The following SORCS1 variants were observed in gnomAD, a reference collection of about 807,000 sequenced individuals.
The protein encoded by SORCS1 is VPS10 domain-containing receptor SorCS1.
SORCS1 carries 60 observed loss-of-function variants against 146.1 expected under a neutral mutation model. The ratio of observed to expected loss-of-function variants is 0.41; its 90% confidence interval spans 0.33 to 0.51. The LOEUF is 0.51. Among genes scored for constraint, SORCS1 ranks in the 20% least tolerant of loss-of-function variants. SORCS1 has a pLI of 0.21. For synonymous variants in SORCS1, 637 were observed against 584.0 expected, an observed-to-expected ratio of 1.09 and a Z score of -1.31; for missense variants, 1,352 against 1,487.6, an observed-to-expected ratio of 0.91 and a Z score of 1.50.
intron 1 of SORCS1, among the ~76,000 whole-genome samples, chr10:107,037,858 A>G (rs1958970397): frequency 6.6e-6 from 1 of 152,072 alleles, no homozygotes; most frequent in South Asian, 2.1e-4. Flanking sequence ...ACTAGGACTC[A>G]CTCTGTTGCC....
chr10:107,156,373 G>T (rs1246661642), intron 1 of SORCS1, among the ~76,000 whole-genome samples: 1 of 152,162 alleles, frequency 6.6e-6, no homozygotes, highest in Non-Finnish European at 1.5e-5. Context: ...TTAGAATGAG[G>T]ATAACAGTAC....
intron 2 of SORCS1, among the ~76,000 whole-genome samples, chr10:106,905,848 G>C (rs1379461882): frequency 6.6e-6 from 1 of 152,168 alleles, no homozygotes; most frequent in Non-Finnish European, 1.5e-5. Context: ...TTGAAACACT[G>C]AATTTTAGAA....
chr10:106,970,588 C>T (rs577080437), intron 1 of SORCS1, among the ~76,000 whole-genome samples: 3 of 152,008 alleles, frequency 2.0e-5, no homozygotes, highest in South Asian at 2.1e-4. Flanking sequence ...GTGATTTGCC[C>T]GCCTTGGCCT....
intron 1 of SORCS1, among the ~76,000 whole-genome samples, chr10:107,093,673 A>G (rs1964357377): frequency 1.9e-5 from 2 of 103,736 alleles, no homozygotes; most frequent in Admixed American, 1.8e-4. Flanking sequence ...AGTGAGACTC[A>G]GTCTCAAAAA....
chr10:107,102,989 G>C (rs951933976), intron 1 of SORCS1, among the ~76,000 whole-genome samples: 1 of 152,094 alleles, frequency 6.6e-6, no homozygotes, highest in Admixed American at 6.6e-5. Context: ...AAATAATGCA[G>C]ATAACATTTT....
intron 3 of SORCS1, among the ~76,000 whole-genome samples, chr10:106,807,740 CA>C (rs1196781985): frequency 6.6e-6 from 1 of 152,240 alleles, no homozygotes; most frequent in African/African-American, 2.4e-5. Flanking sequence ...AAGAATACAG[CA>C]GCAGCTAAGC....
intron 18 of SORCS1, among the ~76,000 whole-genome samples, chr10:106,645,738 A>G (rs1408193814): frequency 6.6e-6 from 1 of 152,078 alleles, no homozygotes; most frequent in African/African-American, 2.4e-5. Context: ...CATAATAAAA[A>G]TAATAAAAAA....
chr10:107,127,758 T>A (rs1275988202), intron 1 of SORCS1, among the ~76,000 whole-genome samples: 2 of 152,230 alleles, frequency 1.3e-5, no homozygotes, highest in Non-Finnish European at 2.9e-5. Flanking sequence ...TTACCAGATT[T>A]CTTCCACCTG....
chr10:107,068,548 A>C (rs1228460659), intron 1 of SORCS1, among the ~76,000 whole-genome samples: 1 of 152,178 alleles, frequency 6.6e-6, no homozygotes, highest in African/African-American at 2.4e-5. Context: ...TCTAAACTTC[A>C]AGAGCTATAA....
intron 6 of SORCS1, among the ~76,000 whole-genome samples, chr10:106,724,128 A>G (rs560410717): frequency 1.3e-5 from 2 of 152,338 alleles, no homozygotes; most frequent in South Asian, 4.1e-4. Flanking sequence ...CTATTGCAAC[A>G]AAGTCGCTTA....
At chr10:106,961,279 T>C (rs1466596711) in intron 1 of SORCS1, among the ~76,000 whole-genome samples, 1 of 152,194 alleles carries the variant, frequency 6.6e-6, no homozygotes, top group Non-Finnish European at 1.5e-5. Flanking sequence ...TTATCAGTCA[T>C]GTAACACCTT....
intron 2 of SORCS1, among the ~76,000 whole-genome samples, chr10:106,866,282 A>G (rs568567644): frequency 8.6e-4 from 131 of 152,250 alleles, no homozygotes; most frequent in Admixed American, 4.0e-3. Flanking sequence ...TCAACCCAAG[A>G]AGAGGAGGTC....
intron 1 of SORCS1, among the ~76,000 whole-genome samples, chr10:107,005,092 C>CT (rs1957383457): frequency 3.3e-5 from 5 of 152,176 alleles, no homozygotes; most frequent in Admixed American, 3.3e-4. Context: ...GCAATCAACT[C>CT]TAAGGAAATA....
rs548297548 is a variant in SORCS1, at chr10:106,723,524, CA to C, written c.1024+6525del. Reference sequence around the variant, plus strand: ...AAATGCCACATCCAATAAATATGTTCAAAAATTTCCAGTAATACCTCCCGTG... The same window carrying C: ...AAATGCCACATCCAATAAATATGTTCAAAATTTCCAGTAATACCTCCCGTG... On this transcript the variant is annotated intron_variant, in intron 6 of 25. Coordinates refer to ENST00000263054, the MANE Select transcript of SORCS1 (RefSeq NM_052918.5). Among the ~76,000 whole-genome samples, 270 of 152,188 alleles carry C rather than the reference CA, an allele frequency of 1.8e-3. 4 individuals carry two copies. The South Asian group carries it at 0.032, about 18-fold the overall frequency.
At chr10:106,844,119 T>C (rs1468129933) in intron 2 of SORCS1, among the ~76,000 whole-genome samples, 1 of 152,236 alleles carries the variant, frequency 6.6e-6, no homozygotes, top group Admixed American at 6.5e-5. Context: ...GGTTTTAACT[T>C]GCATTTCCCT....
At chr10:106,761,152 A>T (rs1859079890) in intron 5 of SORCS1, among the ~76,000 whole-genome samples, 1 of 152,202 alleles carries the variant, frequency 6.6e-6, no homozygotes, top group Non-Finnish European at 1.5e-5. Flanking sequence ...CAAGATCTAA[A>T]ATCAGGAATG....
intron 23 of SORCS1, among the ~76,000 whole-genome samples, chr10:106,603,498 C>T (rs1419252646): frequency 6.6e-6 from 1 of 152,148 alleles, no homozygotes. Context: ...ATCGCTGCTC[C>T]CCAGGAAGGC....
At chr10:106,836,736 T>TA (rs201637122) in intron 2 of SORCS1, among the ~76,000 whole-genome samples, 1,328 of 130,430 alleles carry the variant, frequency 0.01, 14 homozygotes, top group African/African-American at 0.026. Flanking sequence ...ATTGATTAAA[T>TA]AAAAAAAAAA....
At chr10:106,757,108 C>T (rs1394021635) in intron 5 of SORCS1, among the ~76,000 whole-genome samples, 2 of 152,144 alleles carry the variant, frequency 1.3e-5, no homozygotes, top group East Asian at 3.8e-4. Flanking sequence ...TTATCAGAAA[C>T]CACTGTGATA....
Sources: gnomAD v4.1 joint callset for allele counts (sites outside exome capture counted in the v4.1 genomes callset) on GRCh38, gnomAD v4.1.1 for gene constraint, MANE v1.5 for transcripts, NCBI Gene and HGNC (gene_info 2026-07-23, HGNC 2026-07-21) for gene names.